PRKCH: variants seen among roughly 807,000 people sequenced by gnomAD.
The protein encoded by PRKCH is protein kinase C eta, also known as protein kinase C eta type.
A neutral mutation model predicts 82.5 loss-of-function variants in PRKCH; 28 were observed. That is an observed-to-expected ratio of 0.34 (90% CI 0.25 to 0.47). The LOEUF is 0.47. Ranked by LOEUF, PRKCH falls within the 20% of genes least tolerant of loss-of-function variation. PRKCH has a pLI of 1.00. For synonymous variants in PRKCH, 322 were observed against 327.4 expected, an observed-to-expected ratio of 0.98 and a Z score of 0.18; for missense variants, 705 against 881.8, an observed-to-expected ratio of 0.80 and a Z score of 2.54.
chr14:61,390,117 G>A (rs2046652598), intron 1 of PRKCH, among the ~76,000 whole-genome samples: 1 of 152,168 alleles, frequency 6.6e-6, no homozygotes, highest in Admixed American at 6.6e-5. Context: ...ACAATGCAAG[G>A]CTTAGAGGTG....
intron 1 of PRKCH, among the ~76,000 whole-genome samples, chr14:61,382,750 A>G (rs2046531122): frequency 6.6e-6 from 1 of 152,120 alleles, no homozygotes; most frequent in Admixed American, 6.5e-5. Flanking sequence ...TTTGCCCCCA[A>G]AATTGCTTTT....
At chr14:61,378,582 C>T (rs1215050835) in intron 1 of PRKCH, among the ~76,000 whole-genome samples, 1 of 152,158 alleles carries the variant, frequency 6.6e-6, no homozygotes, top group Non-Finnish European at 1.5e-5. Flanking sequence ...GTGTTCCTCC[C>T]TCTCCATCTG....
At position 61,316,215 on chromosome 14, in the gene PRKCH, C is replaced by T. The variant is rs1594906399; in HGVS notation, c.-19+128547C>T. Among the ~76,000 whole-genome samples the T allele has an allele frequency of 3.9e-5, 6 of 152,318 alleles. No homozygotes were observed. In the South Asian group the frequency reaches 1.0e-3, roughly 26 times the overall value. ...GAAACTTCTGATGTACACTGTCAAA[C>T]TGCCCCTCAAAGCCTGTGCCATTTT... On this transcript the variant is annotated intron_variant, in intron 1 of 3. Transcript: ENST00000555185.
At chr14:61,203,840 CAAAAT>C (rs1414309826) in intron 1 of PRKCH, among the ~76,000 whole-genome samples, 1 of 150,814 alleles carries the variant, frequency 6.6e-6, no homozygotes, top group Non-Finnish European at 1.5e-5. Context: ...GACCCCGTCT[CAAAAT>C]AATAATAATA....
At chr14:61,336,415 G>A (rs2045857939) in intron 1 of PRKCH, among the ~76,000 whole-genome samples, 1 of 152,174 alleles carries the variant, frequency 6.6e-6, no homozygotes, top group African/African-American at 2.4e-5. Flanking sequence ...TAAGGAATAT[G>A]GGAAAATGAA....
intron 1 of PRKCH, among the ~76,000 whole-genome samples, chr14:61,256,223 G>A (rs893547801): frequency 2.0e-5 from 3 of 152,180 alleles, no homozygotes; most frequent in Non-Finnish European, 2.9e-5. Context: ...GATAAAAGCT[G>A]ACCAGGAATG....
At chr14:61,461,335 G>A (rs1172942502) in intron 9 of PRKCH, among the ~76,000 whole-genome samples, 2 of 152,198 alleles carry the variant, frequency 1.3e-5, no homozygotes, top group Non-Finnish European at 2.9e-5. Context: ...TTGGAATAGA[G>A]GAGTGGAGTT....
At chr14:61,262,329 C>T (rs1044834219) in intron 1 of PRKCH, among the ~76,000 whole-genome samples, 1 of 151,936 alleles carries the variant, frequency 6.6e-6, no homozygotes, top group Non-Finnish European at 1.5e-5. Context: ...GTTGCATATT[C>T]ATACAACAAA....
intron 9 of PRKCH, among the ~76,000 whole-genome samples, chr14:61,474,461 CA>C (rs1338188489): frequency 6.6e-6 from 1 of 151,480 alleles, no homozygotes; most frequent in African/African-American, 2.4e-5. Flanking sequence ...ACCCAGATTG[CA>C]AAAATGGTTT....
At chr14:61,546,796 C>T (rs1042933925) in intron 12 of PRKCH, among the ~76,000 whole-genome samples, 4 of 152,228 alleles carry the variant, frequency 2.6e-5, no homozygotes, top group African/African-American at 9.6e-5. Flanking sequence ...TTATCCAAGG[C>T]AATTTTCTTT....
At chr14:61,326,912 T>C (rs1458354482) in intron 1 of PRKCH, 6 of 240,290 alleles carry the variant, frequency 2.5e-5, no homozygotes, top group Admixed American at 1.9e-4. Flanking sequence ...GAATTGCCTC[T>C]GTTTAAACTC....
chr14:61,486,191 T>A (rs111421241), intron 10 of PRKCH, among the ~76,000 whole-genome samples: 1,798 of 152,302 alleles, frequency 0.012, 33 homozygotes, highest in African/African-American at 0.041. Flanking sequence ...GTTCTCTTTT[T>A]TTCATTTTAA....
intron 9 of PRKCH, among the ~76,000 whole-genome samples, chr14:61,462,090 AAAG>A (rs2140301054): frequency 6.6e-6 from 1 of 152,324 alleles, no homozygotes; most frequent in Admixed American, 6.5e-5. Context: ...GCTAAATGAT[AAAG>A]AAGTAGTGGG....
At chr14:61,346,344 C>A (rs2045991940) in intron 1 of PRKCH, among the ~76,000 whole-genome samples, 1 of 152,188 alleles carries the variant, frequency 6.6e-6, no homozygotes, top group African/African-American at 2.4e-5. Context: ...TTACTCCTAA[C>A]AGTGAATTCC....
At chr14:61,278,507 A>C (rs76584614) in intron 1 of PRKCH, 1 of 152,190 alleles carries the variant, frequency 6.6e-6, no homozygotes, top group South Asian at 2.1e-4. Flanking sequence ...ATTCAATACA[A>C]TTCAATATTA....
chr14:61,530,222 C>A (rs7161556), intron 11 of PRKCH, among the ~76,000 whole-genome samples, 185 bp from the exon 12 acceptor site: 10,922 of 152,210 alleles, frequency 0.072, 1,208 homozygotes, highest in African/African-American at 0.24. Context: ...TGAGAAGGCA[C>A]CTCTGAGTTG....
At chr14:61,235,097 C>A (rs1253949231) in intron 1 of PRKCH, among the ~76,000 whole-genome samples, 1 of 152,198 alleles carries the variant, frequency 6.6e-6, no homozygotes, top group Non-Finnish European at 1.5e-5. Flanking sequence ...CCTTTAGAAC[C>A]TGGAGGGAGT....
chr14:61,484,973 A>G (rs1035490441), intron 9 of PRKCH, among the ~76,000 whole-genome samples: 1 of 151,536 alleles, frequency 6.6e-6, no homozygotes, highest in African/African-American at 2.4e-5. Flanking sequence ...ATCCACCCAC[A>G]TAGGCCTCCC....
chr14:61,363,403 G>A (rs958223318), intron 1 of PRKCH, among the ~76,000 whole-genome samples: 1 of 152,182 alleles, frequency 6.6e-6, no homozygotes, highest in African/African-American at 2.4e-5. Context: ...AGAAAGCAGT[G>A]AAAGTCAGGG....
Sources: gnomAD v4.1 joint callset for allele counts (sites outside exome capture counted in the v4.1 genomes callset) on GRCh38, gnomAD v4.1.1 for gene constraint, MANE v1.5 for transcripts, NCBI Gene and HGNC (gene_info 2026-07-23, HGNC 2026-07-21) for gene names.